Variants in PLAGL1 observed in about 807,000 individuals in gnomAD.
The protein encoded by PLAGL1 is PLAG1 like zinc finger 1, also known as zinc finger protein PLAGL1.
Under a neutral mutation model 4.6 loss-of-function variants are expected in PLAGL1, and 1 was observed. That is an observed-to-expected ratio of 0.22 (90% CI 0.08 to 1.03). The LOEUF (loss-of-function observed/expected upper bound fraction) is 1.03, where lower values mean the gene tolerates loss of function less well. Among genes scored for constraint, PLAGL1 ranks in the 50% least tolerant of loss-of-function variants. The pLI, the probability that PLAGL1 is intolerant of heterozygous loss-of-function variation, is 0.58. For missense variants in PLAGL1, 464 were observed against 570.4 expected (o/e 0.81, Z 1.90); for synonymous variants, 240 against 237.8 (o/e 1.01, Z -0.08).
intron 1 of PLAGL1, among the ~76,000 whole-genome samples, chr6:144,047,867 T>C (rs1798279759): frequency 6.6e-6 from 1 of 152,078 alleles, no homozygotes; most frequent in Non-Finnish European, 1.5e-5. Context: ...CATTTCAGCA[T>C]TAACTCAAAA....
intron 1 of PLAGL1, among the ~76,000 whole-genome samples, chr6:144,025,059 G>A (rs578160257): frequency 2.0e-5 from 3 of 152,268 alleles, no homozygotes; most frequent in South Asian, 2.1e-4. Flanking sequence ...GGGGAGGGGT[G>A]ACTTTGCCAT....
At chr6:143,999,627 T>G (rs1792403020) in intron 1 of PLAGL1, among the ~76,000 whole-genome samples, 1 of 152,224 alleles carries the variant, frequency 6.6e-6, no homozygotes. Context: ...TAAGCTCTTG[T>G]GTAATGTTGT....
intron 1 of PLAGL1, among the ~76,000 whole-genome samples, chr6:144,047,691 C>T (rs960235152): frequency 6.6e-6 from 1 of 152,138 alleles, no homozygotes; most frequent in Admixed American, 6.5e-5. Flanking sequence ...CAGGTCTCTC[C>T]CTCAACACGT....
chr6:144,043,482 G>T (rs544760364), intron 1 of PLAGL1, among the ~76,000 whole-genome samples: 24 of 152,148 alleles, frequency 1.6e-4, no homozygotes, highest in Admixed American at 9.8e-4. Flanking sequence ...TACGTTTATC[G>T]ATTTGCATAT....
rs954645516 is a variant in PLAGL1 at position 144,027,400 on chromosome 6, A to G, written c.-151+37068T>C. On this transcript the variant is annotated intron_variant, in intron 1 of 3. Transcript: ENST00000437412. The surrounding 1 kb of genome is among the most constrained non-coding windows in gnomAD (Gnocchi z 5.8). ...ATCTTTTTGTTTCTTCTACAATCCC[A>G]TGAGAAACAGCTAGGGAAGAAGAGA... Among the ~76,000 whole-genome samples, 3 of 152,206 alleles carry G rather than the reference A, an allele frequency of 2.0e-5. No individual in the cohort carries two copies. Among genetic ancestry groups the G allele is most frequent in the Non-Finnish European group, 4.4e-5 (3 of 68,030 alleles).
chr6:143,945,127 T>C lies in PLAGL1; in HGVS notation c.153-2464A>G, dbSNP rs1399657004. ...ACTTCTTTCCCTTTTAATTTATCCC[T>C]TACTTACTCAACAATCCTGATCTAG... On this transcript the variant is annotated intron_variant, in intron 7 of 7. Coordinates refer to ENST00000674357, the MANE Select transcript of PLAGL1 (RefSeq NM_001317162.2). The surrounding 1 kb of genome is among the most constrained non-coding windows in gnomAD (Gnocchi z 4.2). Among the ~76,000 whole-genome samples the C allele has an allele frequency of 3.3e-5, 5 of 152,250 alleles. No individual in the cohort carries two copies. The highest frequency in any genetic ancestry group is 7.3e-5 in the Non-Finnish European group (5 of 68,046).
At chr6:143,980,035 G>A (rs1371831869) in intron 2 of PLAGL1, among the ~76,000 whole-genome samples, 1 of 152,042 alleles carries the variant, frequency 6.6e-6, no homozygotes, top group African/African-American at 2.4e-5. Context: ...TACTTGGAAG[G>A]TGTCTTTCCA....
Position 144,027,601 on chromosome 6 carries a change from G to A in PLAGL1, c.-151+36867C>T, listed in dbSNP as rs1199861698. Among the ~76,000 whole-genome samples the A allele has an allele frequency of 6.6e-6, 1 of 152,120 alleles. No homozygotes were observed. The highest frequency in any genetic ancestry group is 1.5e-5 in the Non-Finnish European group (1 of 68,018). On this transcript the variant is annotated intron_variant, in intron 1 of 3. Coordinates refer to the PLAGL1 transcript ENST00000437412. This position sits in a 1 kb window ranked among gnomAD's most constrained non-coding sequence, Gnocchi z 5.8. ...CACCCATGGAAAAGAACCTATAAAA[G>A]CACCACAGTCAAATTCTAAGACTGT...
chr6:143,946,737 C>T (rs1779882951), intron 7 of PLAGL1, among the ~76,000 whole-genome samples: 2 of 152,224 alleles, frequency 1.3e-5, no homozygotes, highest in Non-Finnish European at 2.9e-5. Context: ...CTTGCTAAAG[C>T]CTGGCTCTCT....
intron 1 of PLAGL1, among the ~76,000 whole-genome samples, chr6:144,045,317 G>C (rs1798058034): frequency 1.3e-5 from 2 of 152,170 alleles, no homozygotes; most frequent in Admixed American, 6.5e-5. Flanking sequence ...TGCAGTGGCT[G>C]GTACTGGTTG....
chr6:144,041,295 T>C (rs1247128676), intron 1 of PLAGL1, among the ~76,000 whole-genome samples: 1 of 152,142 alleles, frequency 6.6e-6, no homozygotes, highest in African/African-American at 2.4e-5. Context: ...AACTCATCAT[T>C]TACATTAGGT....
chr6:143,948,286 C>A lies in PLAGL1; in HGVS notation c.-150G>T, dbSNP rs1440366337. 3 of 655,990 alleles carry A rather than the reference C, an allele frequency of 4.6e-6. No individual in the cohort carries two copies. The highest frequency in any genetic ancestry group is 8.1e-6 in the Non-Finnish European group (3 of 371,658). 40.6% of individuals were successfully genotyped at this position (655,990 alleles called of 1,614,324 possible). A position where few individuals can be genotyped will look rare whatever the true frequency, so the allele number is the denominator to read the frequency against. On this transcript the variant is annotated 5_prime_UTR_variant, in exon 7 of 8. The change abolishes the stop of an existing upstream ORF in the 5' untranslated region. Transcript: ENST00000674357. The surrounding 1 kb of genome is among the most constrained non-coding windows in gnomAD (Gnocchi z 6.0). ...GAGAGGCAGCATCGTGGGCCTGGTTCTACCCAGACATGGACCTCTCAGCTG... is the reference window on the plus strand; with the variant it reads ...GAGAGGCAGCATCGTGGGCCTGGTTATACCCAGACATGGACCTCTCAGCTG...
intron 1 of PLAGL1, among the ~76,000 whole-genome samples, chr6:144,035,140 T>C (rs1468630032): frequency 6.6e-6 from 1 of 152,060 alleles, no homozygotes; most frequent in African/African-American, 2.4e-5. Flanking sequence ...ACATAACTAA[T>C]AGGATAGATG....
chr6:144,047,529 G>A (rs1444328008), intron 1 of PLAGL1, among the ~76,000 whole-genome samples: 2 of 152,170 alleles, frequency 1.3e-5, no homozygotes, highest in Non-Finnish European at 2.9e-5. Flanking sequence ...AATCATGGCA[G>A]AAGGGGAAGA....
At chr6:144,013,153 G>A (rs1249628544), upstream of PLAGL1, among the ~76,000 whole-genome samples, 2 of 152,118 alleles carry the variant, frequency 1.3e-5, no homozygotes, top group African/African-American at 4.8e-5. This position sits in a 1 kb window ranked among gnomAD's most constrained non-coding sequence, Gnocchi z 4.4. Context: ...ATTTTATTCT[G>A]CAGACTATTG....
intron 1 of PLAGL1, among the ~76,000 whole-genome samples, chr6:144,001,174 TA>T (rs148052722): frequency 1.3e-3 from 177 of 140,136 alleles, no homozygotes; most frequent in Middle Eastern, 3.6e-3. Flanking sequence ...AAGGAAATGA[TA>T]AAAAAAAAAA....
Position 143,979,171 on chromosome 6 carries a change from C to T in PLAGL1, c.-544+5964G>A, listed in dbSNP as rs1787334824. On this transcript the variant is annotated intron_variant, in intron 2 of 7. Transcript: ENST00000674357. This position sits in a 1 kb window ranked among gnomAD's most constrained non-coding sequence, Gnocchi z 4.6. ...AGCTTATAATCTATTTGTGTCTTTA[C>T]ACATGAAGTGCATTTTTTTGTAGGC... Among the ~76,000 whole-genome samples the T allele has an allele frequency of 6.6e-6, 1 of 152,082 alleles. No homozygotes were observed. Among genetic ancestry groups the T allele is most frequent in the African/African-American group, 2.4e-5 (1 of 41,430 alleles).
At chr6:144,003,068 T>A (rs1053343266) in intron 1 of PLAGL1, among the ~76,000 whole-genome samples, 2 of 152,100 alleles carry the variant, frequency 1.3e-5, no homozygotes, top group Admixed American at 6.6e-5. Flanking sequence ...GAATGGATAA[T>A]TAGTCCAAGT....
chr6:143,969,361 AC>A, intron 2 of PLAGL1, among the ~76,000 whole-genome samples: 1 of 152,110 alleles, frequency 6.6e-6, no homozygotes, highest in East Asian at 1.9e-4. Flanking sequence ...ACATCACAAG[AC>A]CCTTTTGAGA....
Sources: allele counts gnomAD v4.1 joint callset (sites outside exome capture counted in the v4.1 genomes callset), GRCh38; gene constraint gnomAD v4.1.1; non-coding constraint Gnocchi (gnomAD v3.1); transcripts MANE v1.5; gene names NCBI Gene and HGNC (gene_info 2026-07-23, HGNC 2026-07-21).